The following DPYD variants were observed in gnomAD, a reference collection of about 807,000 sequenced individuals.
DPYD encodes dihydropyrimidine dehydrogenase [NADP(+)].
A neutral mutation model predicts 116.2 loss-of-function variants in DPYD; 109 were observed. The observed-to-expected ratio is 0.94, with a 90% confidence interval of 0.80 to 1.10. The LOEUF is 1.10. DPYD is among the 50% of genes least tolerant of loss of function. DPYD has a pLI of 0.00. For missense variants in DPYD, 1,302 were observed against 1,254.5 expected (o/e 1.04, Z -0.57); for synonymous variants, 440 against 432.0 (o/e 1.02, Z -0.23).
rs1668010683 is a variant in DPYD, at chr1:97,318,532, T to C, written c.2059-12235A>G. Among the ~76,000 whole-genome samples the C allele has an allele frequency of 9.9e-5, 15 of 152,064 alleles. No individual in the cohort carries two copies. In the South Asian group the frequency reaches 3.1e-3, roughly 32 times the overall value. ...GATCAATTCAACAAGAGGAGCTAAC[T>C]ATCCTAAATATTTATGCAACCAATA... On this transcript the variant is annotated intron_variant, in intron 16 of 22. Transcript: ENST00000370192.
chr1:97,129,336 G>A, intron 20 of DPYD, among the ~76,000 whole-genome samples: 1 of 152,114 alleles, frequency 6.6e-6, no homozygotes, highest in African/African-American at 2.4e-5. Flanking sequence ...AAAGTGCTGG[G>A]ATTACAGGTG....
At chr1:97,257,452 T>G (rs61786276) in intron 18 of DPYD, among the ~76,000 whole-genome samples, 13,756 of 126,278 alleles carry the variant, frequency 0.11, 801 homozygotes, top group East Asian at 0.22. Context: ...TATATATATA[T>G]AGAGAGAGAG....
intron 3 of DPYD, among the ~76,000 whole-genome samples, chr1:97,759,752 C>T (rs1266613715): frequency 6.6e-6 from 1 of 152,010 alleles, no homozygotes; most frequent in Non-Finnish European, 1.5e-5. Flanking sequence ...TGATTTAATT[C>T]ACTTAATAAT....
intron 3 of DPYD, among the ~76,000 whole-genome samples, chr1:97,742,213 T>C (rs1664305481): frequency 6.6e-6 from 1 of 152,130 alleles, no homozygotes; most frequent in Non-Finnish European, 1.5e-5. Context: ...CTAGTTCATT[T>C]TCTATACACT....
Position 97,691,775 on chromosome 1 carries a change from C to A in DPYD, c.704G>T (p.Arg235Leu). 1 of 1,613,188 alleles carries A rather than the reference C, an allele frequency of 6.2e-7. No individual in the cohort carries two copies. The highest frequency in any genetic ancestry group is 1.1e-5 in the South Asian group (1 of 91,030). ...GLSTSEIPQFRLPYDVVNFEI... is the reference protein window; with the variant it reads ...GLSTSEIPQFLLPYDVVNFEI... ...AAAATTCACTACATCATACGGCAGC[C>A]GGAACTGAGGAATTTCAGAAGTACT... Residue 235 changes from arginine (R) to leucine (L), a missense_variant, in exon 7 of 23, where the codon CGG becomes CTG. Arg to Leu is a moderately radical substitution (Grantham distance 102). Coordinates refer to ENST00000370192, the MANE Select transcript of DPYD (RefSeq NM_000110.4).
intron 18 of DPYD, among the ~76,000 whole-genome samples, chr1:97,291,867 A>C (rs182732073): frequency 0.011 from 1,641 of 152,090 alleles, 30 homozygotes; most frequent in African/African-American, 0.036. Flanking sequence ...CCTAAAAAAA[A>C]CCCTAAATTC....
At chr1:97,912,000 T>A (rs1673963438) in intron 1 of DPYD, among the ~76,000 whole-genome samples, 1 of 152,006 alleles carries the variant, frequency 6.6e-6, no homozygotes. Flanking sequence ...TAAAAGGAAG[T>A]CACATCCACA....
intron 2 of DPYD, among the ~76,000 whole-genome samples, chr1:97,863,115 G>T (rs914226689): frequency 4.6e-5 from 7 of 151,776 alleles, no homozygotes; most frequent in Admixed American, 2.0e-4. Flanking sequence ...TAATAATAAT[G>T]ATATTAATCA....
intron 12 of DPYD, among the ~76,000 whole-genome samples, chr1:97,539,382 C>G (rs927090013): frequency 6.6e-6 from 1 of 151,964 alleles, no homozygotes; most frequent in Non-Finnish European, 1.5e-5. Context: ...CATTTCTTGC[C>G]TATATTTAAA....
At chr1:97,606,206 T>C (rs1233036385) in intron 8 of DPYD, among the ~76,000 whole-genome samples, 1 of 152,100 alleles carries the variant, frequency 6.6e-6, no homozygotes, top group East Asian at 1.9e-4. Context: ...TAATATTTAC[T>C]GAATGCCTAC....
chr1:97,900,672 T>C (rs1261636339), intron 1 of DPYD, among the ~76,000 whole-genome samples: 6 of 151,872 alleles, frequency 4.0e-5, no homozygotes, highest in Non-Finnish European at 8.8e-5. Flanking sequence ...AATAGGTTTC[T>C]CCATTTTAAC....
At chr1:97,126,762 G>C (rs1652876459) in intron 20 of DPYD, among the ~76,000 whole-genome samples, 2 of 152,156 alleles carry the variant, frequency 1.3e-5, no homozygotes, top group African/African-American at 4.8e-5. Flanking sequence ...AAATGAACAG[G>C]TGAATGGTAG....
chr1:97,736,831 G>A (rs1414154141), intron 4 of DPYD, among the ~76,000 whole-genome samples: 1 of 146,004 alleles, frequency 6.8e-6, no homozygotes, highest in Admixed American at 7.0e-5. Flanking sequence ...GATAGAGGTG[G>A]GGGTGTGTGT....
chr1:97,180,456 A>G (rs1657571766), intron 20 of DPYD, among the ~76,000 whole-genome samples: 1 of 152,142 alleles, frequency 6.6e-6, no homozygotes, highest in African/African-American at 2.4e-5. Context: ...AACAAAGCTA[A>G]CTGGTTTGCT....
chr1:97,421,997 C>T (rs1213966524), intron 14 of DPYD, among the ~76,000 whole-genome samples: 2 of 152,218 alleles, frequency 1.3e-5, no homozygotes, highest in African/African-American at 4.8e-5. Flanking sequence ...TTCTGTATTA[C>T]AATACCCCTG....
chr1:97,727,627 T>C (rs548750623), intron 4 of DPYD, among the ~76,000 whole-genome samples: 4 of 151,844 alleles, frequency 2.6e-5, no homozygotes, highest in South Asian at 4.1e-4. Context: ...ATTTTGAAAA[T>C]GGGTTGAACC....
intron 12 of DPYD, among the ~76,000 whole-genome samples, chr1:97,547,660 CTT>C (rs1209941792): frequency 2.0e-5 from 3 of 151,426 alleles, no homozygotes; most frequent in Non-Finnish European, 4.4e-5. Context: ...CTTTCTCTCT[CTT>C]TCTCTCTCGT....
intron 8 of DPYD, among the ~76,000 whole-genome samples, chr1:97,669,302 GT>G (rs753479566): frequency 2.0e-5 from 3 of 152,084 alleles, no homozygotes; most frequent in Non-Finnish European, 4.4e-5. Flanking sequence ...CATTTTAAGA[GT>G]TTATGTTTCT....
chr1:97,859,778 AAAAT>A (rs1362326945), intron 2 of DPYD, among the ~76,000 whole-genome samples: 2 of 152,154 alleles, frequency 1.3e-5, no homozygotes, highest in African/African-American at 4.8e-5. Flanking sequence ...AGTAAAAATA[AAAAT>A]AAATACTCAC....
Sources: allele counts gnomAD v4.1 joint callset (sites outside exome capture counted in the v4.1 genomes callset), GRCh38; gene constraint gnomAD v4.1.1; transcripts MANE v1.5; gene names NCBI Gene and HGNC (gene_info 2026-07-23, HGNC 2026-07-21).